The following SLC35B3 variants were observed in gnomAD, a reference collection of about 807,000 sequenced individuals.
SLC35B3 encodes the protein solute carrier family 35 member B3.
A neutral mutation model predicts 44.1 loss-of-function variants in SLC35B3; 35 were observed. That is an observed-to-expected ratio of 0.79 (90% CI 0.61 to 1.05). The LOEUF is 1.05. Ranked by LOEUF, SLC35B3 falls within the 50% of genes least tolerant of loss-of-function variation. SLC35B3 has a pLI of 0.00. For synonymous variants in SLC35B3, 146 were observed against 167.3 expected (o/e 0.87, Z 0.98); for missense variants, 414 against 476.4 (o/e 0.87, Z 1.22).
Position 8,434,623 on chromosome 6 carries a change from T to C in SLC35B3, c.-43-193A>G, listed in dbSNP as rs946442355. Among the ~76,000 whole-genome samples the C allele has an allele frequency of 6.6e-6, 1 of 152,198 alleles. No individual in the cohort carries two copies. The highest frequency in any genetic ancestry group is 1.5e-5 in the Non-Finnish European group (1 of 68,038). ...TAAAAATAACGCTGTCTAAATTATT[T>C]TGAAATGCTGCCTCTCTTCCAAGTT... On this transcript the variant is annotated intron_variant, in intron 1 of 10. Coordinates refer to ENST00000644923, the MANE Select transcript of SLC35B3 (RefSeq NM_001370476.2). This position sits in a 1 kb window ranked among gnomAD's most constrained non-coding sequence, Gnocchi z 6.3.
rs370719990 is a variant in SLC35B3, at chr6:8,420,877, G to C, written c.575-49C>G. 5.0e-6 allele frequency: 7 copies of C among 1,403,030 alleles called. No homozygotes were observed. The highest frequency in any genetic ancestry group is 1.8e-4 in the Middle Eastern group (1 of 5,546). The allele number at this position is 1,403,030 out of a possible 1,614,324, so 86.9% of individuals were successfully genotyped here. A position where few individuals can be genotyped will look rare whatever the true frequency, so the allele number is the denominator to read the frequency against. On this transcript the variant is annotated intron_variant, in intron 5 of 10. Coordinates refer to ENST00000644923, the MANE Select transcript of SLC35B3 (RefSeq NM_001370476.2). The surrounding 1 kb of genome is among the most constrained non-coding windows in gnomAD (Gnocchi z 4.4). ...ACTTCATTATGCAAATACCCACCCA[G>C]CTTTATATTTGCTCTATGTGTTAAG...
At position 8,432,631 on chromosome 6, in the gene SLC35B3, G is replaced by A. The variant is rs553375240; in HGVS notation, c.3+1754C>T. Among the ~76,000 whole-genome samples, 4 of 152,102 alleles carry A rather than the reference G, an allele frequency of 2.6e-5. No individual in the cohort carries two copies. The highest frequency in any genetic ancestry group is 5.9e-5 in the Non-Finnish European group (4 of 68,020). On this transcript the variant is annotated intron_variant, in intron 2 of 10. Transcript: ENST00000644923. The surrounding 1 kb of genome is among the most constrained non-coding windows in gnomAD (Gnocchi z 4.8). ...AATCGTTTAACTTTTCTGAGCTTTA[G>A]GTTCTGCACCTTCAAAAGTGGGAGG...
Position 8,434,379 on chromosome 6 carries a change from T to A in SLC35B3, c.3+6A>T, listed in dbSNP as rs1341305592. On this transcript the variant is annotated splice_donor_region_variant and intron_variant, in intron 2 of 10. Transcript: ENST00000644923. This position sits in a 1 kb window ranked among gnomAD's most constrained non-coding sequence, Gnocchi z 6.3. ...ACACTCAACGTTACAAATAAAAGAA[T>A]CTTACCATGCCATTATGCCTTGATT... 6.2e-7 allele frequency: 1 copy of A among 1,612,350 alleles called. No individual in the cohort carries two copies. Among genetic ancestry groups the A allele is most frequent in the African/African-American group, 1.3e-5 (1 of 74,808 alleles).
rs1291536851 is a variant in SLC35B3 at position 8,422,593 on chromosome 6, A to G, written c.451T>C (p.Phe151Leu). 6 of 1,611,996 alleles carry G rather than the reference A, an allele frequency of 3.7e-6. No individual in the cohort carries two copies. The highest frequency in any genetic ancestry group is 5.1e-6 in the Non-Finnish European group (6 of 1,179,356). ...AACCCCATAGTACCCACAGTTAGAA[A>G]AGCTATTATCATGTAGGTTTTTCCT... Residue 151 changes from phenylalanine to leucine, a missense_variant, in exon 5 of 11, where the codon TTT (phenylalanine) becomes CTT (leucine). Coordinates refer to ENST00000644923, the MANE Select transcript of SLC35B3 (RefSeq NM_001370476.2).
intron 10 of SLC35B3, 145 bp downstream of exon 9, chr6:8,414,763 G>GA (rs201562870): frequency 1.0e-4 from 43 of 429,398 alleles, no homozygotes; most frequent in Admixed American, 4.8e-4. Flanking sequence ...AGCATAACAG[G>GA]AAAAAAAACC....
At position 8,419,864 on chromosome 6, in the gene SLC35B3, A is replaced by T. The variant is rs1364472957; in HGVS notation, c.683-187T>A. ...TAACAAGTACATATGTGATGATATT[A>T]AAAAAGATATACTAATAAACTGAGT... On this transcript the variant is annotated intron_variant, in intron 6 of 10. Coordinates refer to ENST00000644923, the MANE Select transcript of SLC35B3 (RefSeq NM_001370476.2). This position sits in a 1 kb window ranked among gnomAD's most constrained non-coding sequence, Gnocchi z 4.3. 6.6e-6 allele frequency among the ~76,000 whole-genome samples: 1 copy of T among 152,128 alleles called. No homozygotes were observed. Among genetic ancestry groups the T allele is most frequent in the Non-Finnish European group, 1.5e-5 (1 of 67,966 alleles).
At position 8,433,805 on chromosome 6, in the gene SLC35B3, G is replaced by A. The variant is rs1764216943; in HGVS notation, c.3+580C>T. On this transcript the variant is annotated intron_variant, in intron 2 of 10. Transcript: ENST00000644923. The surrounding 1 kb of genome is among the most constrained non-coding windows in gnomAD (Gnocchi z 4.1). ...ACATCACTGGTGAGAAAGTGTGACT[G>A]ATAAAGACCTCTGATACCTAATAAC... 6.6e-6 allele frequency among the ~76,000 whole-genome samples: 1 copy of A among 151,962 alleles called. No homozygotes were observed.
At position 8,430,026 on chromosome 6, in the gene SLC35B3, A is replaced by G; in HGVS notation, c.135T>C (p.Ser45=). The G allele has an allele frequency of 6.2e-7, 1 of 1,614,040 alleles. No homozygotes were observed. Among genetic ancestry groups the G allele is most frequent in the Non-Finnish European group, 8.5e-7 (1 of 1,179,952 alleles). The change falls in exon 3 of 11, where the codon TCT becomes TCC. Residue 45 remains serine, a synonymous_variant. Coordinates refer to ENST00000644923, the MANE Select transcript of SLC35B3 (RefSeq NM_001370476.2). ...TTTGGGTTTTGGATGGCACAGTGAT[A>G]GAAATATATTTCCTGGAATTGTTGA... is the stretch of plus-strand genomic sequence containing the variant.
In SLC35B3 at chr6:8,417,425, G is replaced by A; in HGVS notation, c.850C>T (p.Pro284Ser). 2 of 1,597,894 alleles carry A rather than the reference G, an allele frequency of 1.3e-6. No individual in the cohort carries two copies. Among genetic ancestry groups the A allele is most frequent in the Non-Finnish European group, 8.5e-7 (1 of 1,173,136 alleles). Residue 284 changes from proline to serine, a missense_variant, in exon 8 of 11, where the codon CCT becomes TCT. Pro to Ser is a moderately conservative substitution (Grantham distance 74). Coordinates refer to ENST00000644923, the MANE Select transcript of SLC35B3 (RefSeq NM_001370476.2). Reference sequence around the variant, plus strand: ...ACCTTTGCACAAAATGTTACTGCAGGGCCTAATCCACTAGTGCATGTCAAT... The same window carrying A: ...ACCTTTGCACAAAATGTTACTGCAGAGCCTAATCCACTAGTGCATGTCAAT...
rs1187951351 is a variant in SLC35B3, at chr6:8,411,990, C to T, written c.*1559G>A. ...CTATGGTCTGAATGTTTGTGTCCCC[C>T]TGAGATTCATTTGTTGAAATCCTAA... On this transcript the variant is annotated 3_prime_UTR_variant, in exon 11 of 11. Coordinates refer to ENST00000644923, the MANE Select transcript of SLC35B3 (RefSeq NM_001370476.2). Among the ~76,000 whole-genome samples the T allele has an allele frequency of 2.0e-5, 3 of 152,146 alleles. No individual in the cohort carries two copies. Among genetic ancestry groups the T allele is most frequent in the Admixed American group, 2.0e-4 (3 of 15,272 alleles).
At chr6:8,430,992 T>G (rs1763931172) in intron 2 of SLC35B3, among the ~76,000 whole-genome samples, 1 of 152,184 alleles carries the variant, frequency 6.6e-6, no homozygotes, top group South Asian at 2.1e-4. Context: ...CACAATATGC[T>G]TCAGCAGTAG....
Position 8,420,637 on chromosome 6 carries a change from A to G in SLC35B3, c.682+84T>C. 2.0e-6 allele frequency: 2 copies of G among 1,024,316 alleles called. No individual in the cohort carries two copies. The highest frequency in any genetic ancestry group is 2.9e-6 in the Non-Finnish European group (2 of 681,082). The allele number at this position is 1,024,316 out of a possible 1,614,324, so 63.5% of individuals were successfully genotyped here. A position where few individuals can be genotyped will look rare whatever the true frequency, so the allele number is the denominator to read the frequency against. The stretch of plus-strand genomic sequence containing the variant: ...TGAAAATTGCAGCTGTCACACTATC[A>G]TTTAAAATGCTTACAAAATATTCGA... On this transcript the variant is annotated intron_variant, in intron 6 of 10. Coordinates refer to ENST00000644923, the MANE Select transcript of SLC35B3 (RefSeq NM_001370476.2). The surrounding 1 kb of genome is among the most constrained non-coding windows in gnomAD (Gnocchi z 4.4).
intron 4 of SLC35B3, among the ~76,000 whole-genome samples, chr6:8,424,290 T>C (rs1485726526): frequency 6.6e-6 from 1 of 152,228 alleles, no homozygotes; most frequent in Non-Finnish European, 1.5e-5. Context: ...CTCGCTCTTG[T>C]TGCCCAGGCT....
chr6:8,425,889 T>A (rs965331976), intron 4 of SLC35B3, among the ~76,000 whole-genome samples: 1 of 152,240 alleles, frequency 6.6e-6, no homozygotes, highest in African/African-American at 2.4e-5. Context: ...CTGTTTATAA[T>A]CAGAGACTAA....
chr6:8,426,178 G>A (rs1025562804), intron 4 of SLC35B3, among the ~76,000 whole-genome samples: 9 of 152,236 alleles, frequency 5.9e-5, no homozygotes, highest in South Asian at 2.1e-4. Flanking sequence ...AAATGCTGGC[G>A]ACCAGAGTGT....
rs1762093175 is a variant in SLC35B3 at position 8,412,667 on chromosome 6, T to G, written c.*882A>C. 6.6e-6 allele frequency among the ~76,000 whole-genome samples: 1 copy of G among 152,212 alleles called. No homozygotes were observed. The highest frequency in any genetic ancestry group is 2.4e-5 in the African/African-American group (1 of 41,470). ...AGGGACTAGTTTCGTGGAAGACAAT[T>G]TTTCCATGGACTGGGACAGGGGATG... On this transcript the variant is annotated 3_prime_UTR_variant, in exon 11 of 11. Transcript: ENST00000644923.
chr6:8,428,992 T>C (rs1432809161), intron 3 of SLC35B3, among the ~76,000 whole-genome samples: 1 of 152,172 alleles, frequency 6.6e-6, no homozygotes, highest in Non-Finnish European at 1.5e-5. Context: ...TTGATGATCA[T>C]CTCTACAAGA....
rs72823683 is a variant in SLC35B3 at position 8,411,854 on chromosome 6, G to A, written c.*1695C>T. Among the ~76,000 whole-genome samples, 2,840 of 152,184 alleles carry A rather than the reference G, an allele frequency of 0.019. 45 individuals are homozygous for A. Among genetic ancestry groups the A allele is most frequent in the Non-Finnish European group, 0.029 (1,963 of 67,984 alleles). ...AACCAGTATTATTTATATTGAAAAC[G>A]AAGAATAACAGTATTTTTAAAAAAT... On this transcript the variant is annotated 3_prime_UTR_variant, in exon 11 of 11. Transcript: ENST00000644923.
chr6:8,433,789 G>A lies in SLC35B3; in HGVS notation c.3+596C>T, dbSNP rs1764214663. ...TGTTTTATTAATAAGAACATCACTG[G>A]TGAGAAAGTGTGACTGATAAAGACC... On this transcript the variant is annotated intron_variant, in intron 2 of 10. Coordinates refer to ENST00000644923, the MANE Select transcript of SLC35B3 (RefSeq NM_001370476.2). The surrounding 1 kb of genome is among the most constrained non-coding windows in gnomAD (Gnocchi z 4.1). 6.6e-6 allele frequency among the ~76,000 whole-genome samples: 1 copy of A among 151,984 alleles called. No homozygotes were observed.
Sources: gnomAD v4.1 joint callset for allele counts (sites outside exome capture counted in the v4.1 genomes callset) on GRCh38, gnomAD v4.1.1 for gene constraint, Gnocchi (gnomAD v3.1) non-coding constraint, MANE v1.5 for transcripts, NCBI Gene and HGNC (gene_info 2026-07-23, HGNC 2026-07-21) for gene names.